CUX1: variants seen among roughly 807,000 people sequenced by gnomAD.
CUX1 encodes the protein cut like homeobox 1.
CUX1 carries 31 observed loss-of-function variants against 158.8 expected under a neutral mutation model. That is an observed-to-expected ratio of 0.20 (90% CI 0.15 to 0.26). The LOEUF (loss-of-function observed/expected upper bound fraction) is 0.26. Ranked by LOEUF, CUX1 falls within the 10% of genes least tolerant of loss-of-function variation. The pLI is 1.00. For synonymous variants in CUX1, 879 were observed against 862.1 expected (o/e 1.02, Z -0.34); for missense variants, 1,589 against 2,014.6 (o/e 0.79, Z 4.04).
intron 3 of CUX1, among the ~76,000 whole-genome samples, chr7:102,033,413 A>G (rs1308005993): frequency 6.6e-6 from 1 of 152,270 alleles, no homozygotes; most frequent in Non-Finnish European, 1.5e-5. Context: ...GGAGAGAAAC[A>G]TTGCAAAAGT....
intron 8 of CUX1, among the ~76,000 whole-genome samples, chr7:102,150,124 C>G (rs980662051): frequency 6.6e-6 from 1 of 152,070 alleles, no homozygotes; most frequent in African/African-American, 2.4e-5. Context: ...GGTATTGAGA[C>G]TATTGGTGGG....
chr7:102,095,155 A>G (rs1554483670), intron 4 of CUX1, among the ~76,000 whole-genome samples: 5 of 151,890 alleles, frequency 3.3e-5, no homozygotes, highest in Admixed American at 3.3e-4. Flanking sequence ...GTATGCCACC[A>G]TGCCTGGCTA....
chr7:101,821,713 C>T (rs183222157), intron 1 of CUX1, among the ~76,000 whole-genome samples: 56 of 92,046 alleles, frequency 6.1e-4, no homozygotes, highest in African/African-American at 2.2e-3. Context: ...GTGGTTCTGT[C>T]GCCCAGGCTG....
intron 2 of CUX1, among the ~76,000 whole-genome samples, chr7:102,003,586 G>C (rs1349748015): frequency 6.6e-6 from 1 of 152,238 alleles, no homozygotes; most frequent in African/African-American, 2.4e-5. Context: ...GGCTCTCCCC[G>C]GGGTCAGGGG....
chr7:101,924,861 C>G (rs1322933109), intron 2 of CUX1, among the ~76,000 whole-genome samples: 1 of 152,126 alleles, frequency 6.6e-6, no homozygotes, highest in East Asian at 1.9e-4. Flanking sequence ...CGGCGTGAGC[C>G]ACCACACCTG....
At chr7:102,117,225 C>T (rs980461573) in intron 8 of CUX1, among the ~76,000 whole-genome samples, 1 of 151,882 alleles carries the variant, frequency 6.6e-6, no homozygotes, top group African/African-American at 2.4e-5. Context: ...TGGCAAAACC[C>T]CATCTCTACT....
chr7:102,037,340 C>CTTTCT (rs1478960540), intron 3 of CUX1, among the ~76,000 whole-genome samples: 1 of 150,388 alleles, frequency 6.6e-6, no homozygotes, highest in Non-Finnish European at 1.5e-5. Context: ...GGTAGAATTT[C>CTTTCT]TTTCTTTTCT....
intron 4 of CUX1, among the ~76,000 whole-genome samples, chr7:102,089,946 C>T (rs1365392373): frequency 6.6e-6 from 1 of 152,214 alleles, no homozygotes; most frequent in African/African-American, 2.4e-5. Flanking sequence ...TCCCTTCCTT[C>T]AGGGAAGTCT....
rs1790067944 is a variant in CUX1 at position 102,257,867 on chromosome 7, A to T, written c.*8825A>T. ...AATCCTCACAGAGACCCAATTGACCAAAAAAGAAAAAAGGAAAAAAAAAAA... is the reference window on the plus strand; with the variant it reads ...AATCCTCACAGAGACCCAATTGACCTAAAAAGAAAAAAGGAAAAAAAAAAA... On this transcript the variant is annotated 3_prime_UTR_variant, in exon 24 of 24. Transcript: ENST00000292535. 1.0e-6 allele frequency: 1 copy of T among 984,150 alleles called. No homozygotes were observed. Among genetic ancestry groups the T allele is most frequent in the Admixed American group, 6.2e-5 (1 of 16,158 alleles). 61.0% of individuals were successfully genotyped at this position (984,150 alleles called of 1,614,324 possible). A position where few individuals can be genotyped will look rare whatever the true frequency, so the allele number is the denominator to read the frequency against.
chr7:102,222,809 A>ATATTTTTTTTTTTTTT (rs1554527459), intron 20 of CUX1, among the ~76,000 whole-genome samples: 1 of 23,280 alleles, frequency 4.3e-5, no homozygotes, highest in Non-Finnish European at 7.6e-5. Context: ...GGGGCACCGT[A>ATATTTTTTTTTTTTTT]TCTTTTTTTT....
At chr7:101,910,321 A>AT (rs71517198) in intron 1 of CUX1, among the ~76,000 whole-genome samples, 1 of 152,028 alleles carries the variant, frequency 6.6e-6, no homozygotes, top group African/African-American at 2.4e-5. Context: ...TAATTTTTGT[A>AT]TTTTTTGTAG....
rs1554524906 is a variant in CUX1 at position 102,216,684 on chromosome 7, C to CT, written c.3131-10683_3131-10682insT. Among the ~76,000 whole-genome samples, 4 of 31,248 alleles carry CT rather than the reference C, an allele frequency of 1.3e-4. 1 individual carries two copies. Among genetic ancestry groups the CT allele is most frequent in the East Asian group, 4.2e-3 (1 of 236 alleles). The allele number at this position is 31,248 out of a possible 152,430, so 20.5% of individuals were successfully genotyped here. A position where few individuals can be genotyped will look rare whatever the true frequency, so the allele number is the denominator to read the frequency against. ...CCACACACACTCACACACACACACT[C>CT]CCCCACACACACTCCCACACGCACT... On this transcript the variant is annotated intron_variant, in intron 20 of 23. Coordinates refer to ENST00000292535, the MANE Select transcript of CUX1 (RefSeq NM_181552.4).
intron 8 of CUX1, among the ~76,000 whole-genome samples, chr7:102,130,240 G>A (rs1350911694): frequency 6.6e-6 from 1 of 152,100 alleles, no homozygotes. Context: ...CGCACAGCCC[G>A]ACTGCATCAC....
intron 1 of CUX1, among the ~76,000 whole-genome samples, chr7:101,844,545 G>A (rs1795491999): frequency 2.0e-5 from 3 of 152,126 alleles, no homozygotes; most frequent in Admixed American, 6.6e-5. Flanking sequence ...CTGCTTTGGA[G>A]GGAAGTCTGG....
chr7:102,032,001 C>T (rs1353284681), intron 3 of CUX1, among the ~76,000 whole-genome samples: 5 of 151,492 alleles, frequency 3.3e-5, no homozygotes, highest in Non-Finnish European at 7.4e-5. Flanking sequence ...TCTCGGCTCA[C>T]TGCAACCTCT....
chr7:101,978,145 G>A (rs943294997), intron 2 of CUX1, among the ~76,000 whole-genome samples: 4 of 151,936 alleles, frequency 2.6e-5, no homozygotes, highest in African/African-American at 4.8e-5. Flanking sequence ...ATCGACTCTC[G>A]TGGCTTAAAA....
intron 2 of CUX1, among the ~76,000 whole-genome samples, chr7:101,997,491 C>T (rs1423942239): frequency 6.6e-6 from 1 of 151,314 alleles, no homozygotes; most frequent in Non-Finnish European, 1.5e-5. Context: ...TTACAGGTGC[C>T]CACCACCACG....
intron 21 of CUX1, among the ~76,000 whole-genome samples, chr7:102,231,131 G>A (rs542204536): frequency 2.7e-4 from 40 of 149,608 alleles, no homozygotes; most frequent in African/African-American, 7.9e-4. Context: ...CCAGGTTCAC[G>A]CCATTCTCCT....
At chr7:102,243,435 A>G (rs1800433677) in intron 23 of CUX1, among the ~76,000 whole-genome samples, 1 of 152,076 alleles carries the variant, frequency 6.6e-6, no homozygotes, top group Non-Finnish European at 1.5e-5. Context: ...TGGAAGAGGT[A>G]TGAAATGAGC....
Sources: gnomAD v4.1 joint callset for allele counts (sites outside exome capture counted in the v4.1 genomes callset) on GRCh38, gnomAD v4.1.1 for gene constraint, MANE v1.5 for transcripts, NCBI Gene and HGNC (gene_info 2026-07-23, HGNC 2026-07-21) for gene names.